The following ADAMTS2 variants were observed in gnomAD, a reference collection of about 807,000 sequenced individuals.
The protein encoded by ADAMTS2 is A disintegrin and metalloproteinase with thrombospondin motifs 2.
ADAMTS2 carries 50 observed loss-of-function variants against 123.0 expected under a neutral mutation model. The ratio of observed to expected loss-of-function variants is 0.41; its 90% CI spans 0.32 to 0.51. ADAMTS2 has a LOEUF of 0.51. Among genes scored for constraint, ADAMTS2 ranks in the 20% least tolerant of loss-of-function variants. The pLI is 0.35. For synonymous variants in ADAMTS2, 678 were observed against 695.4 expected (o/e 0.98, Z 0.39); for missense variants, 1,494 against 1,705.2 (o/e 0.88, Z 2.18).
At position 179,130,577 on chromosome 5, in the gene ADAMTS2, A is replaced by T. The variant is rs1762942618; in HGVS notation, c.2291-479T>A. ...CAGCAGAACCCCCACCCCATCAGGG[A>T]CCATGGCCCAGCCGAGGCCCCAGCA... On this transcript the variant is annotated intron_variant, in intron 15 of 21. Transcript: ENST00000251582. This position sits in a 1 kb window ranked among gnomAD's most constrained non-coding sequence, Gnocchi z 4.3. 6.6e-6 allele frequency among the ~76,000 whole-genome samples: 1 copy of T among 152,110 alleles called. No homozygotes were observed. The highest frequency in any genetic ancestry group is 1.5e-5 in the Non-Finnish European group (1 of 68,012).
rs1487330748 is a variant in ADAMTS2 at position 179,234,299 on chromosome 5, C to T, written c.689-26584G>A. Among the ~76,000 whole-genome samples the T allele has an allele frequency of 6.6e-6, 1 of 152,160 alleles. No homozygotes were observed. The highest frequency in any genetic ancestry group is 1.5e-5 in the Non-Finnish European group (1 of 68,030). On this transcript the variant is annotated intron_variant, in intron 3 of 21. Coordinates refer to ENST00000251582, the MANE Select transcript of ADAMTS2 (RefSeq NM_014244.5). The surrounding 1 kb of genome is among the most constrained non-coding windows in gnomAD (Gnocchi z 4.7). ...CAGGTGGGCAGTCCTCAGGTGACTT[C>T]TCCAGCTCTGCATGGAGAAGGCCTC... is the stretch of plus-strand genomic sequence containing the variant.
rs2113169373 is a variant in ADAMTS2 at position 179,117,769 on chromosome 5, C to A, written c.3179-3445G>T. 1.3e-5 allele frequency among the ~76,000 whole-genome samples: 2 copies of A among 152,188 alleles called. No individual in the cohort carries two copies. The highest frequency in any genetic ancestry group is 6.8e-3 in the Middle Eastern group (2 of 294). Reference sequence around the variant, plus strand: ...GTCAGGCTGGTCTTGAACTCCTGACCTTGTGATCCATCCACCTCAGCCTCC... The same window carrying A: ...GTCAGGCTGGTCTTGAACTCCTGACATTGTGATCCATCCACCTCAGCCTCC... On this transcript the variant is annotated intron_variant, in intron 21 of 21. Transcript: ENST00000251582. The surrounding 1 kb of genome is among the most constrained non-coding windows in gnomAD (Gnocchi z 4.2).
rs1363866787 is a variant in ADAMTS2, at chr5:179,180,313, A to C, written c.975+759T>G. The stretch of plus-strand genomic sequence containing the variant: ...AAAGGACGTCCCAGGTTTGGCTGCA[A>C]GAGGAAGTGGGACGGGCAAGAGAGC... On this transcript the variant is annotated intron_variant, in intron 5 of 21. Transcript: ENST00000251582. This position sits in a 1 kb window ranked among gnomAD's most constrained non-coding sequence, Gnocchi z 4.6. Among the ~76,000 whole-genome samples the C allele has an allele frequency of 1.3e-5, 2 of 152,166 alleles. No individual in the cohort carries two copies. The highest frequency in any genetic ancestry group is 2.9e-5 in the Non-Finnish European group (2 of 68,028).
intron 8 of ADAMTS2, 23 bp from the exon 9 acceptor site, chr5:179,153,646 C>G (rs927515122): frequency 6.3e-7 from 1 of 1,595,162 alleles, no homozygotes; most frequent in African/African-American, 1.3e-5. Context: ...CACGGTGCCG[C>G]GAGCAGCCTT....
At chr5:179,204,824 C>T (rs991628048) in intron 4 of ADAMTS2, among the ~76,000 whole-genome samples, 4 of 152,176 alleles carry the variant, frequency 2.6e-5, no homozygotes, top group African/African-American at 4.8e-5. Flanking sequence ...TCCCACGCCC[C>T]GGGACTCTCT....
intron 3 of ADAMTS2, among the ~76,000 whole-genome samples, chr5:179,209,734 C>T (rs527352590): frequency 2.0e-5 from 3 of 152,344 alleles, no homozygotes; most frequent in Admixed American, 2.0e-4. Flanking sequence ...CCATCCATGC[C>T]GTTCCCAGAG....
chr5:179,228,788 G>A lies in ADAMTS2; in HGVS notation c.689-21073C>T, dbSNP rs887489052. ...AGACCCGGGGCGGTGCCTTCACCACGGCCTCCTCATCCAGCATCCACAACT... is the reference window on the plus strand; with the variant it reads ...AGACCCGGGGCGGTGCCTTCACCACAGCCTCCTCATCCAGCATCCACAACT... On this transcript the variant is annotated intron_variant, in intron 3 of 21. Transcript: ENST00000251582. The surrounding 1 kb of genome is among the most constrained non-coding windows in gnomAD (Gnocchi z 5.2). 1.3e-5 allele frequency among the ~76,000 whole-genome samples: 2 copies of A among 152,210 alleles called. No individual in the cohort carries two copies. The highest frequency in any genetic ancestry group is 2.4e-5 in the African/African-American group (1 of 41,450).
chr5:179,172,850 T>A (rs78528047), intron 5 of ADAMTS2, among the ~76,000 whole-genome samples: 2,030 of 152,230 alleles, frequency 0.013, 45 homozygotes, highest in African/African-American at 0.046. Context: ...AATGATTTTT[T>A]AAAAAATCAT....
chr5:179,336,426 G>A lies in ADAMTS2; in HGVS notation c.534+7341C>T, dbSNP rs531011565. 3.9e-5 allele frequency among the ~76,000 whole-genome samples: 6 copies of A among 152,358 alleles called. No homozygotes were observed. The South Asian group carries it at 1.0e-3, about 26-fold the overall frequency. ...CAACCGAACTCAGTTCCCGGGAGCC[G>A]TGACAAGCGACGGCCAGGCAGCAGA... On this transcript the variant is annotated intron_variant, in intron 2 of 21. Transcript: ENST00000251582.
chr5:179,216,908 A>G (rs572788974), intron 3 of ADAMTS2, among the ~76,000 whole-genome samples: 6 of 152,316 alleles, frequency 3.9e-5, no homozygotes, highest in Admixed American at 3.9e-4. Flanking sequence ...TACTGAGGGG[A>G]TCATGAGGAA....
intron 3 of ADAMTS2, among the ~76,000 whole-genome samples, chr5:179,269,626 A>C (rs1467596132): frequency 6.6e-6 from 1 of 152,138 alleles, no homozygotes; most frequent in African/African-American, 2.4e-5. Context: ...ACAAGATGAG[A>C]TTCAGGTGGA....
intron 4 of ADAMTS2, among the ~76,000 whole-genome samples, chr5:179,206,175 G>A (rs72818635): frequency 0.061 from 9,288 of 152,256 alleles, 409 homozygotes; most frequent in South Asian, 0.1. Flanking sequence ...CCCCCTGTAC[G>A]GATAAGGCTG....
intron 10 of ADAMTS2, among the ~76,000 whole-genome samples, chr5:179,150,266 G>C (rs2411907): frequency 0.62 from 94,373 of 152,030 alleles, 29,361 homozygotes; most frequent in South Asian, 0.65. Context: ...CAGCTTTTCC[G>C]AAGCTCCCCC....
chr5:179,263,448 G>A (rs553263903), intron 3 of ADAMTS2, among the ~76,000 whole-genome samples: 18 of 152,292 alleles, frequency 1.2e-4, no homozygotes, highest in African/African-American at 3.1e-4. Context: ...TCAGGTGCCC[G>A]GCCTTTTCCC....
chr5:179,173,291 A>T (rs943085210), intron 5 of ADAMTS2, among the ~76,000 whole-genome samples: 1 of 151,940 alleles, frequency 6.6e-6, no homozygotes, highest in Non-Finnish European at 1.5e-5. Flanking sequence ...TCAGTAAAGT[A>T]CAAAGAAGAA....
chr5:179,262,456 C>T lies in ADAMTS2; in HGVS notation c.688+10455G>A, dbSNP rs1035372813. Reference sequence around the variant, plus strand: ...CCACCGCACAGGGAATGAATTCTCACCCCGTACCGTGACCGTCCCTTCAAA... The same window carrying T: ...CCACCGCACAGGGAATGAATTCTCATCCCGTACCGTGACCGTCCCTTCAAA... On this transcript the variant is annotated intron_variant, in intron 3 of 21. Transcript: ENST00000251582. This position sits in a 1 kb window ranked among gnomAD's most constrained non-coding sequence, Gnocchi z 5.9. 3.3e-5 allele frequency among the ~76,000 whole-genome samples: 5 copies of T among 152,060 alleles called. No homozygotes were observed. Among genetic ancestry groups the T allele is most frequent in the Admixed American group, 6.5e-5 (1 of 15,274 alleles).
At chr5:179,302,896 C>T (rs946676369) in intron 2 of ADAMTS2, among the ~76,000 whole-genome samples, 6 of 135,950 alleles carry the variant, frequency 4.4e-5, no homozygotes, top group Admixed American at 2.5e-4. Context: ...GGAAGAAGGC[C>T]AATGTGAGTG....
rs1763131923 is a variant in ADAMTS2, at chr5:179,139,904, C to G, written c.1761G>C (p.Gln587His). 2 of 1,611,244 alleles carry G rather than the reference C, an allele frequency of 1.2e-6. No individual in the cohort carries two copies. The highest frequency in any genetic ancestry group is 1.7e-6 in the Non-Finnish European group (2 of 1,179,498). The change falls in exon 11 of 22, where the codon CAG becomes CAC. Residue 587 changes from glutamine (Q) to histidine (H), a missense_variant. Gln to His is a conservative substitution (Grantham distance 24, BLOSUM62 0). This residue lies in a region of ADAMTS2 where 953 missense variants were observed against 1,124.7 expected (regional missense o/e 0.85). Transcript: ENST00000251582. The stretch of plus-strand genomic sequence containing the variant: ...GGCCAACTCACTGTGGGTTGTCACA[C>G]TGGCGGGTCCTGAACTTCACGCCCG... ...CGTGVKFRTR[Q>H]CDNPHPANGG... is the part of the protein sequence containing the mutation.
chr5:179,122,988 T>C (rs1749842216), intron 19 of ADAMTS2: 2 of 673,078 alleles, frequency 3.0e-6, no homozygotes, highest in Non-Finnish European at 5.1e-6. Context: ...TGCCTGTCTC[T>C]CTGAGCTGCT....
Sources: gnomAD v4.1 joint callset for allele counts (sites outside exome capture counted in the v4.1 genomes callset) on GRCh38, gnomAD v4.1.1 for gene constraint, gnomAD v4.1.1 regional missense constraint, Gnocchi (gnomAD v3.1) non-coding constraint, MANE v1.5 for transcripts, NCBI Gene and HGNC (gene_info 2026-07-23, HGNC 2026-07-21) for gene names.